RPS6KC1: variants seen among roughly 807,000 people sequenced by gnomAD.
RPS6KC1 encodes ribosomal protein S6 kinase C1, also known as inactive ribosomal protein S6 kinase delta-1.
Under a neutral mutation model 103.8 loss-of-function variants are expected in RPS6KC1, and 54 were observed. The ratio of observed to expected loss-of-function variants is 0.52; its 90% CI spans 0.42 to 0.65. The LOEUF (loss-of-function observed/expected upper bound fraction) is 0.65. Among genes scored for constraint, RPS6KC1 ranks in the 30% least tolerant of loss-of-function variants. The pLI is 0.00. For synonymous variants in RPS6KC1, 439 were observed against 438.7 expected (o/e 1.00, Z -0.01); for missense variants, 1,151 against 1,253.8 (o/e 0.92, Z 1.24).
intron 9 of RPS6KC1, among the ~76,000 whole-genome samples, chr1:213,230,745 G>C (rs1027041351): frequency 6.8e-6 from 1 of 146,666 alleles, no homozygotes; most frequent in Non-Finnish European, 1.5e-5. Context: ...TTAGGCAGGA[G>C]AATCGCTTGA....
At chr1:213,417,388 C>T in the RPS6KC1 span, among the ~76,000 whole-genome samples, 10 of 152,166 alleles carry the variant, frequency 6.6e-5, no homozygotes, top group South Asian at 8.3e-4. Context: ...CGCAATGCCC[C>T]GGGCACAGCG....
chr1:213,125,434 C>G (rs1558370318), intron 5 of RPS6KC1, among the ~76,000 whole-genome samples: 1 of 151,908 alleles, frequency 6.6e-6, no homozygotes, highest in African/African-American at 2.4e-5. Context: ...GATGGACATT[C>G]TTGTATGTAG....
At chr1:213,590,107 C>G in the RPS6KC1 span, among the ~76,000 whole-genome samples, 1 of 152,060 alleles carries the variant, frequency 6.6e-6, no homozygotes, top group Admixed American at 6.6e-5. Context: ...CTTATGTTAA[C>G]CAATATTGTA....
intron 6 of RPS6KC1, among the ~76,000 whole-genome samples, chr1:213,132,436 T>A (rs1424761075): frequency 1.3e-5 from 2 of 152,226 alleles, no homozygotes; most frequent in Non-Finnish European, 2.9e-5. Context: ...AACCTTTGTT[T>A]CAGTCCTCCT....
chr1:213,610,989 A>G, the RPS6KC1 span, among the ~76,000 whole-genome samples: 1 of 152,180 alleles, frequency 6.6e-6, no homozygotes, highest in Non-Finnish European at 1.5e-5. Context: ...GGGGGGTTGC[A>G]TATATGGGGT....
At chr1:213,713,066 A>G in the RPS6KC1 span, among the ~76,000 whole-genome samples, 3 of 152,126 alleles carry the variant, frequency 2.0e-5, no homozygotes, top group Non-Finnish European at 4.4e-5. Context: ...ATCAGTGGAG[A>G]CTTCTATTCT....
At chr1:213,668,602 A>G in the RPS6KC1 span, among the ~76,000 whole-genome samples, 2 of 152,108 alleles carry the variant, frequency 1.3e-5, no homozygotes, top group Non-Finnish European at 2.9e-5. Context: ...TTAAAGTTAC[A>G]AGCTACATTA....
the RPS6KC1 span, among the ~76,000 whole-genome samples, chr1:213,428,430 C>CTCCCTCCCTCCA: frequency 1.0e-5 from 1 of 99,854 alleles, no homozygotes; most frequent in African/African-American, 3.5e-5. Context: ...TTCCTCTCCC[C>CTCCCTCCCTCCA]TCCCTCCCTC....
At chr1:213,424,966 C>T in the RPS6KC1 span, among the ~76,000 whole-genome samples, 1 of 152,138 alleles carries the variant, frequency 6.6e-6, no homozygotes, top group Non-Finnish European at 1.5e-5. Context: ...GGCTGAAGCC[C>T]ACCCTCACAT....
chr1:213,350,067 A>T, the RPS6KC1 span, among the ~76,000 whole-genome samples: 2 of 151,964 alleles, frequency 1.3e-5, no homozygotes, highest in African/African-American at 4.8e-5. Context: ...ATGGATTTAA[A>T]CTCCCCAGGA....
At chr1:213,630,396 C>T in the RPS6KC1 span, among the ~76,000 whole-genome samples, 2 of 152,234 alleles carry the variant, frequency 1.3e-5, no homozygotes, top group Non-Finnish European at 2.9e-5. Flanking sequence ...CTGCATTCGT[C>T]ATGTAGTTCT....
chr1:213,811,264 C>T, the RPS6KC1 span, among the ~76,000 whole-genome samples: 1 of 152,194 alleles, frequency 6.6e-6, no homozygotes, highest in East Asian at 1.9e-4. Flanking sequence ...CTGCATGGGA[C>T]ATTTTAGACA....
the RPS6KC1 span, among the ~76,000 whole-genome samples, chr1:213,438,500 A>C: frequency 6.6e-6 from 1 of 152,200 alleles, no homozygotes; most frequent in African/African-American, 2.4e-5. Flanking sequence ...TTTCAGGTTT[A>C]TATGAGTTGG....
chr1:213,558,410 G>A, the RPS6KC1 span, among the ~76,000 whole-genome samples: 1 of 152,152 alleles, frequency 6.6e-6, no homozygotes, highest in Non-Finnish European at 1.5e-5. Flanking sequence ...TAGGTATCAG[G>A]ATGCTGCCAG....
At chr1:213,585,017 C>A in the RPS6KC1 span, among the ~76,000 whole-genome samples, 2 of 152,174 alleles carry the variant, frequency 1.3e-5, no homozygotes, top group Admixed American at 6.5e-5. Flanking sequence ...ACATTCAGAC[C>A]TGAACTTGAA....
At chr1:213,348,759 A>G in the RPS6KC1 span, among the ~76,000 whole-genome samples, 1 of 152,222 alleles carries the variant, frequency 6.6e-6, no homozygotes, top group Non-Finnish European at 1.5e-5. Flanking sequence ...TATTCTCCTT[A>G]TGGGTAAAAT....
the RPS6KC1 span, among the ~76,000 whole-genome samples, chr1:213,505,873 GT>G: frequency 0.013 from 2,021 of 152,210 alleles, 44 homozygotes; most frequent in African/African-American, 0.046. Context: ...CTTTATGCAT[GT>G]TTTCTGTCTC....
intron 6 of RPS6KC1, among the ~76,000 whole-genome samples, chr1:213,142,971 T>C (rs1268025205): frequency 6.6e-6 from 1 of 152,068 alleles, no homozygotes; most frequent in Admixed American, 6.6e-5. Flanking sequence ...TCCAAAGATA[T>C]GCCTGTATAT....
chr1:213,725,913 C>G, the RPS6KC1 span, among the ~76,000 whole-genome samples: 5 of 152,118 alleles, frequency 3.3e-5, 1 homozygote, highest in South Asian at 1.0e-3. Flanking sequence ...GTGACTCACT[C>G]TTTTACTTTA....
Sources: allele counts gnomAD v4.1 joint callset (sites outside exome capture counted in the v4.1 genomes callset), GRCh38; gene constraint gnomAD v4.1.1; transcripts MANE v1.5; gene names NCBI Gene and HGNC (gene_info 2026-07-23, HGNC 2026-07-21).